Variants in SCN10A observed in about 807,000 individuals in gnomAD.
The protein encoded by SCN10A is sodium voltage-gated channel alpha subunit 10, also known as sodium channel protein type 10 subunit alpha.
A neutral mutation model predicts 170.7 loss-of-function variants in SCN10A; 162 were observed. The ratio of observed to expected loss-of-function variants is 0.95; its 90% CI spans 0.84 to 1.08. The LOEUF (loss-of-function observed/expected upper bound fraction) is 1.08, where lower values mean the gene tolerates loss of function less well. Among genes scored for constraint, SCN10A ranks in the 50% least tolerant of loss-of-function variants. The pLI is 0.00. For synonymous variants in SCN10A, 985 were observed against 904.6 expected (o/e 1.09, Z -1.59); for missense variants, 2,527 against 2,436.9 (o/e 1.04, Z -0.78).
chr3:38,795,341 C>CTTTTTTTTTTTTTTTTTTTTTT (rs201748424), intron 1 of SCN10A, among the ~76,000 whole-genome samples: 3 of 127,876 alleles, frequency 2.3e-5, no homozygotes, highest in Non-Finnish European at 3.2e-5. Context: ...TTTTCTTTTT[C>CTTTTTTTTTTTTTTTTTTTTTT]TTTTTCTTTT....
chr3:38,709,465 G>T lies in SCN10A; in HGVS notation c.4281+13C>A. The T allele has an allele frequency of 6.2e-7, 1 of 1,602,060 alleles. No homozygotes were observed. Among genetic ancestry groups the T allele is most frequent in the South Asian group, 1.1e-5 (1 of 88,294 alleles). ...ACTACAGCAGAAACCAGAAACTCCT[G>T]AGCACCACTTATCTTTTTTTTCTGT... On this transcript the variant is annotated intron_variant, in intron 25 of 27. Transcript: ENST00000449082.
intron 5 of SCN10A, among the ~76,000 whole-genome samples, chr3:38,769,737 T>C (rs1162152727): frequency 2.0e-5 from 3 of 152,156 alleles, no homozygotes; most frequent in Non-Finnish European, 4.4e-5. Context: ...GCAGATTCTT[T>C]TGTTTCATGG....
At chr3:38,729,093 T>C (rs2063488938) in intron 15 of SCN10A, among the ~76,000 whole-genome samples, 192 bp from the exon 16 acceptor site, 1 of 152,198 alleles carries the variant, frequency 6.6e-6, no homozygotes, top group Non-Finnish European at 1.5e-5. Context: ...TGATCTGCCT[T>C]CTATGGTTCA....
At chr3:38,713,222 A>G (rs753832717) in intron 22 of SCN10A, among the ~76,000 whole-genome samples, 13 of 152,102 alleles carry the variant, frequency 8.5e-5, no homozygotes, top group Non-Finnish European at 1.9e-4. Context: ...GGAAGGGAAA[A>G]ATTTACAGGA....
intron 4 of SCN10A, among the ~76,000 whole-genome samples, chr3:38,786,502 T>C (rs937547312): frequency 1.3e-5 from 2 of 152,010 alleles, no homozygotes; most frequent in South Asian, 2.1e-4. Flanking sequence ...AGGGGAGGGA[T>C]AGCATTAGGA....
At chr3:38,740,015 A>G (rs573639338) in intron 14 of SCN10A, among the ~76,000 whole-genome samples, 1 of 152,262 alleles carries the variant, frequency 6.6e-6, no homozygotes, top group South Asian at 2.1e-4. Context: ...AGTAGTTAAA[A>G]CGTGTGGGTT....
chr3:38,778,880 T>C (rs2064105767), intron 4 of SCN10A, among the ~76,000 whole-genome samples: 1 of 152,088 alleles, frequency 6.6e-6, no homozygotes, highest in Admixed American at 6.6e-5. Context: ...TTCCCAGGAT[T>C]GTGACCATAT....
At chr3:38,784,171 A>C (rs982618844) in intron 4 of SCN10A, among the ~76,000 whole-genome samples, 5 of 152,200 alleles carry the variant, frequency 3.3e-5, no homozygotes, top group Admixed American at 1.3e-4. Flanking sequence ...AAAATGTATC[A>C]GTTTTTTCCT....
At chr3:38,747,939 C>T (rs2063708516) in intron 13 of SCN10A, among the ~76,000 whole-genome samples, 2 of 152,106 alleles carry the variant, frequency 1.3e-5, no homozygotes, top group African/African-American at 4.8e-5. Context: ...TGTCCCCTTC[C>T]CTGCTAGGAT....
chr3:38,736,110 G>A (rs1327702804), intron 15 of SCN10A, among the ~76,000 whole-genome samples: 1 of 152,150 alleles, frequency 6.6e-6, no homozygotes, highest in South Asian at 2.1e-4. Flanking sequence ...AGTATTCCAG[G>A]CACAGCGAAA....
At chr3:38,707,507 G>T in intron 25 of SCN10A, 124 bp from the exon 26 acceptor site, 2 of 940,564 alleles carry the variant, frequency 2.1e-6, no homozygotes, top group Non-Finnish European at 3.3e-6. Context: ...GACAAACCAA[G>T]CCCAGCATCA....
intron 14 of SCN10A, 65 bp downstream of exon 14, chr3:38,742,226 C>T: frequency 8.5e-7 from 1 of 1,172,830 alleles, no homozygotes. Context: ...CCGAACTGCA[C>T]CCTGCCATCA....
At chr3:38,712,937 C>T (rs1025290417) in intron 22 of SCN10A, among the ~76,000 whole-genome samples, 1 of 152,208 alleles carries the variant, frequency 6.6e-6, no homozygotes, top group Non-Finnish European at 1.5e-5. Context: ...AAATTTCAAA[C>T]TATTTCAATC....
rs1038980216 is a variant in SCN10A, at chr3:38,713,881, G to A, written c.3804+77C>T. On this transcript the variant is annotated intron_variant, in intron 22 of 27. Coordinates refer to ENST00000449082, the MANE Select transcript of SCN10A (RefSeq NM_006514.4). ...AACCTCAGGTGATCCGCCCGCCTCA[G>A]CCTCCCAAAGTGCTGGGATTACAGG... The A allele has an allele frequency of 1.3e-5, 20 of 1,567,766 alleles. No homozygotes were observed. The African/African-American group carries it at 2.7e-4, about 21-fold the overall frequency.
At chr3:38,812,693 T>A (rs2064448804) in intron 1 of SCN10A, among the ~76,000 whole-genome samples, 1 of 152,130 alleles carries the variant, frequency 6.6e-6, no homozygotes. Flanking sequence ...TCTCTTCCTG[T>A]CACTGCACTC....
At position 38,761,186 on chromosome 3, in the gene SCN10A, A is replaced by G. The variant is rs1212908898; in HGVS notation, c.883+6T>C. ...CCTTGGTCCCTATGGAAGAGACTCC[A>G]CTCACGTTTTCTGTGAGATGAGTAG... On this transcript the variant is annotated splice_donor_region_variant and intron_variant, in intron 7 of 27. Coordinates refer to ENST00000449082, the MANE Select transcript of SCN10A (RefSeq NM_006514.4). 6.3e-7 allele frequency: 1 copy of G among 1,597,460 alleles called. No individual in the cohort carries two copies. Among genetic ancestry groups the G allele is most frequent in the Admixed American group, 1.7e-5 (1 of 59,474 alleles).
rs771127702 is a variant in SCN10A, at chr3:38,723,442, A to G, written c.3340T>C (p.Cys1114Arg). ...GCTGTCCCTTCACCTTCTGTGAAGC[A>G]GTCATCTGGTTCTTCCAGGTCATCT... is the stretch of plus-strand genomic sequence containing the variant. ...LADDLEEPDD[C>R]FTEGCIRHCP... Residue 1114 changes from cysteine to arginine, a missense_variant, in exon 19 of 28, where the codon TGC (cysteine) becomes CGC (arginine). Cys to Arg is a radical substitution (Grantham distance 180, BLOSUM62 -3). Transcript: ENST00000449082. The G allele has an allele frequency of 2.4e-5, 38 of 1,614,168 alleles. No homozygotes were observed. In the South Asian group the frequency reaches 3.5e-4, roughly 15 times the overall value.
chr3:38,777,340 T>C (rs1429505553), intron 4 of SCN10A, among the ~76,000 whole-genome samples: 8 of 151,940 alleles, frequency 5.3e-5, no homozygotes, highest in Non-Finnish European at 1.0e-4. Flanking sequence ...TATATAGAAA[T>C]TAATAATATT....
intron 5 of SCN10A, among the ~76,000 whole-genome samples, chr3:38,764,670 A>G (rs910528507): frequency 6.6e-6 from 1 of 152,176 alleles, no homozygotes; most frequent in African/African-American, 2.4e-5. Context: ...CTGTGCTGCT[A>G]TAAGCATGCA....
Sources: gnomAD v4.1 joint callset for allele counts (sites outside exome capture counted in the v4.1 genomes callset) on GRCh38, gnomAD v4.1.1 for gene constraint, MANE v1.5 for transcripts, NCBI Gene and HGNC (gene_info 2026-07-23, HGNC 2026-07-21) for gene names.